SPAG16: variants seen among roughly 807,000 people sequenced by gnomAD.
The protein encoded by SPAG16 is sperm associated antigen 16, also known as sperm-associated antigen 16 protein.
In SPAG16, 86 loss-of-function variants were observed where a neutral mutation model predicts 80.4. The observed-to-expected ratio is 1.07, with a 90% CI of 0.90 to 1.28. The LOEUF (loss-of-function observed/expected upper bound fraction) is 1.28. Among genes scored for constraint, SPAG16 ranks in the 50% most tolerant of loss-of-function variants. SPAG16 has a pLI of 0.00. For synonymous variants in SPAG16, 294 were observed against 265.9 expected (o/e 1.11, Z -1.03); for missense variants, 870 against 765.3 (o/e 1.14, Z -1.61).
At chr2:214,262,091 T>C (rs1230043950) in intron 15 of SPAG16, among the ~76,000 whole-genome samples, 1 of 152,148 alleles carries the variant, frequency 6.6e-6, no homozygotes, top group Non-Finnish European at 1.5e-5. Context: ...CTATCTGATA[T>C]TCATTAGATA....
At chr2:214,372,074 G>T (rs1215138367) in intron 15 of SPAG16, among the ~76,000 whole-genome samples, 1 of 152,042 alleles carries the variant, frequency 6.6e-6, no homozygotes, top group East Asian at 1.9e-4. Flanking sequence ...CAGTCTCATT[G>T]TTCTCTCCTA....
chr2:214,373,501 A>G (rs563923432), intron 15 of SPAG16, among the ~76,000 whole-genome samples: 1 of 152,342 alleles, frequency 6.6e-6, no homozygotes, highest in African/African-American at 2.4e-5. Context: ...AAATAGAAAT[A>G]TATTAAATTG....
At chr2:213,545,738 T>C (rs781128482) in intron 10 of SPAG16, among the ~76,000 whole-genome samples, 2 of 152,140 alleles carry the variant, frequency 1.3e-5, no homozygotes, top group Non-Finnish European at 2.9e-5. Context: ...TATTGTTTGG[T>C]GATCATTGTC....
At chr2:213,899,594 T>G (rs2077134354) in intron 11 of SPAG16, among the ~76,000 whole-genome samples, 1 of 152,074 alleles carries the variant, frequency 6.6e-6, no homozygotes, top group Admixed American at 6.6e-5. Flanking sequence ...CCATGCTAGA[T>G]TTAAATGTTT....
At chr2:213,537,040 T>C (rs1405932247) in intron 10 of SPAG16, among the ~76,000 whole-genome samples, 1 of 151,854 alleles carries the variant, frequency 6.6e-6, no homozygotes, top group Non-Finnish European at 1.5e-5. Flanking sequence ...GAAATCATCA[T>C]TCTCAGTAAA....
chr2:213,711,085 A>T (rs907941471), intron 10 of SPAG16, among the ~76,000 whole-genome samples: 2 of 152,186 alleles, frequency 1.3e-5, no homozygotes, highest in African/African-American at 4.8e-5. Flanking sequence ...AGACTATTTA[A>T]GTAAATCTTT....
At chr2:214,011,890 G>A (rs987858865) in intron 12 of SPAG16, among the ~76,000 whole-genome samples, 1 of 152,014 alleles carries the variant, frequency 6.6e-6, no homozygotes, top group Non-Finnish European at 1.5e-5. Context: ...AAGAAAGGAA[G>A]GGCATATTTT....
At chr2:214,270,407 T>G (rs1691904181) in intron 15 of SPAG16, among the ~76,000 whole-genome samples, 1 of 152,198 alleles carries the variant, frequency 6.6e-6, no homozygotes, top group Non-Finnish European at 1.5e-5. Flanking sequence ...ACCTGTTGGT[T>G]GATAAAATAC....
intron 12 of SPAG16, among the ~76,000 whole-genome samples, chr2:214,000,727 A>G (rs983212953): frequency 6.6e-6 from 1 of 152,212 alleles, no homozygotes; most frequent in African/African-American, 2.4e-5. Flanking sequence ...ATAATGTGAT[A>G]GTGATGTGTG....
intron 13 of SPAG16, among the ~76,000 whole-genome samples, chr2:214,046,913 A>G (rs1320924574): frequency 6.6e-6 from 1 of 152,112 alleles, no homozygotes; most frequent in African/African-American, 2.4e-5. Context: ...TCTGAAAAAA[A>G]AAAACAATTT....
intron 11 of SPAG16, among the ~76,000 whole-genome samples, chr2:213,928,581 A>C (rs1407744368): frequency 6.6e-6 from 1 of 152,210 alleles, no homozygotes; most frequent in Admixed American, 6.5e-5. Flanking sequence ...TGATTCTACT[A>C]TTCCCTCTGT....
intron 15 of SPAG16, among the ~76,000 whole-genome samples, chr2:214,385,374 CA>C (rs1363172094): frequency 1.3e-5 from 2 of 152,190 alleles, no homozygotes; most frequent in African/African-American, 4.8e-5. Context: ...TCTTATATAT[CA>C]GTATCTCATT....
chr2:213,659,674 G>A (rs2063347407), intron 10 of SPAG16, among the ~76,000 whole-genome samples: 1 of 152,114 alleles, frequency 6.6e-6, no homozygotes, highest in South Asian at 2.1e-4. Context: ...TTTAAGCACA[G>A]TAAACAATGC....
At chr2:213,793,524 C>T (rs1486044990) in intron 10 of SPAG16, among the ~76,000 whole-genome samples, 4 of 152,136 alleles carry the variant, frequency 2.6e-5, no homozygotes, top group African/African-American at 4.8e-5. Context: ...AAATAGCTAG[C>T]TACCAGTTTG....
intron 12 of SPAG16, among the ~76,000 whole-genome samples, chr2:213,945,586 T>C (rs1173510156): frequency 6.6e-6 from 1 of 152,104 alleles, no homozygotes; most frequent in Non-Finnish European, 1.5e-5. Context: ...TAGATGGTGC[T>C]CACCAGATTA....
At chr2:213,771,378 A>G (rs2125552435) in intron 10 of SPAG16, among the ~76,000 whole-genome samples, 1 of 152,266 alleles carries the variant, frequency 6.6e-6, no homozygotes, top group Non-Finnish European at 1.5e-5. Flanking sequence ...TTAGATCACA[A>G]AAACTTTCTC....
At chr2:213,674,943 C>A (rs1402879640) in intron 10 of SPAG16, among the ~76,000 whole-genome samples, 1 of 149,900 alleles carries the variant, frequency 6.7e-6, no homozygotes, top group Non-Finnish European at 1.5e-5. Context: ...AGTTCTAGAT[C>A]CCTGAGGAAT....
At chr2:213,913,349 T>C (rs1451527303) in intron 11 of SPAG16, among the ~76,000 whole-genome samples, 2 of 152,148 alleles carry the variant, frequency 1.3e-5, no homozygotes, top group African/African-American at 2.4e-5. Context: ...AGGAGCATTC[T>C]GCATATCTGG....
intron 10 of SPAG16, among the ~76,000 whole-genome samples, chr2:213,530,726 T>C (rs1224428251): frequency 6.6e-6 from 1 of 152,160 alleles, no homozygotes; most frequent in Admixed American, 6.5e-5. Flanking sequence ...TTCTATTATC[T>C]AGTAACTTTC....
Sources: gnomAD v4.1 joint callset for allele counts (sites outside exome capture counted in the v4.1 genomes callset) on GRCh38, gnomAD v4.1.1 for gene constraint, MANE v1.5 for transcripts, NCBI Gene and HGNC (gene_info 2026-07-23, HGNC 2026-07-21) for gene names.